Variants in SSH2 observed in about 807,000 individuals in gnomAD.
SSH2 encodes slingshot protein phosphatase 2, also known as protein phosphatase Slingshot homolog 2.
A neutral mutation model predicts 135.2 loss-of-function variants in SSH2; 37 were observed. The observed-to-expected ratio is 0.27, with a 90% CI of 0.21 to 0.36. SSH2 has a LOEUF of 0.36. Among genes scored for constraint, SSH2 ranks in the 10% least tolerant of loss-of-function variants. The pLI is 1.00. For missense variants in SSH2, 1,408 were observed against 1,765.3 expected (o/e 0.80, Z 3.63); for synonymous variants, 628 against 646.2 (o/e 0.97, Z 0.43).
At chr17:29,736,400 A>T (rs1283329833) in intron 3 of SSH2, among the ~76,000 whole-genome samples, 1 of 152,188 alleles carries the variant, frequency 6.6e-6, no homozygotes, top group Non-Finnish European at 1.5e-5. Context: ...GCATCCAAGG[A>T]AATGATTAGA....
chr17:29,772,765 A>C (rs985579966), intron 3 of SSH2, among the ~76,000 whole-genome samples: 1 of 152,242 alleles, frequency 6.6e-6, no homozygotes, highest in African/African-American at 2.4e-5. Context: ...GCCTTTGGAC[A>C]TCAGAACTCC....
chr17:29,791,917 CTTTTT>C (rs36064413), intron 3 of SSH2, among the ~76,000 whole-genome samples: 1 of 128,330 alleles, frequency 7.8e-6, no homozygotes, highest in Admixed American at 8.0e-5. Flanking sequence ...TCTTCTTCCT[CTTTTT>C]TTTTTTTTTT....
At chr17:29,762,195 T>A (rs1007816847) in intron 3 of SSH2, among the ~76,000 whole-genome samples, 20 of 148,988 alleles carry the variant, frequency 1.3e-4, no homozygotes, top group Non-Finnish European at 1.8e-4. Context: ...TTTTTTTTTT[T>A]AAACAGTTGA....
chr17:29,903,699 G>C (rs1199118942), intron 1 of SSH2, among the ~76,000 whole-genome samples: 1 of 151,884 alleles, frequency 6.6e-6, no homozygotes, highest in Non-Finnish European at 1.5e-5. Flanking sequence ...TTTCCCCTAG[G>C]GGCTGAAGTA....
intron 1 of SSH2, among the ~76,000 whole-genome samples, chr17:29,878,483 G>T (rs982972398): frequency 6.6e-6 from 1 of 152,088 alleles, no homozygotes; most frequent in Admixed American, 6.5e-5. Context: ...ATTCATCAAT[G>T]CATACTTATT....
intron 1 of SSH2, among the ~76,000 whole-genome samples, chr17:29,907,123 A>G (rs1361436257): frequency 6.6e-6 from 1 of 152,230 alleles, no homozygotes; most frequent in East Asian, 1.9e-4. Context: ...AATGCCCATC[A>G]TTGATAGACT....
chr17:29,784,065 C>CAGAAAAAA (rs2041903062), intron 3 of SSH2, among the ~76,000 whole-genome samples: 1 of 8,234 alleles, frequency 1.2e-4, no homozygotes, highest in South Asian at 4.4e-3. Flanking sequence ...GACTCCGTCT[C>CAGAAAAAA]AAAAAAAAAA....
intron 4 of SSH2, among the ~76,000 whole-genome samples, chr17:29,700,040 C>G (rs1239991327): frequency 1.3e-5 from 2 of 152,140 alleles, no homozygotes; most frequent in South Asian, 2.1e-4. Context: ...GGTGAAGGCC[C>G]AAACAAGTAG....
At chr17:29,770,489 T>TTC (rs1567963456) in intron 3 of SSH2, among the ~76,000 whole-genome samples, 1 of 151,706 alleles carries the variant, frequency 6.6e-6, no homozygotes, top group Middle Eastern at 3.2e-3. Context: ...TTTTTTTTTT[T>TTC]CAAAATGGAG....
chr17:29,686,573 T>G (rs2038233153), intron 5 of SSH2, among the ~76,000 whole-genome samples: 1 of 151,878 alleles, frequency 6.6e-6, no homozygotes, highest in South Asian at 2.1e-4. Context: ...TTTCACCATG[T>G]TGCCCAGGCT....
At chr17:29,731,414 A>ATTTTTTAT (rs758271810) in intron 3 of SSH2, among the ~76,000 whole-genome samples, 2 of 115,264 alleles carry the variant, frequency 1.7e-5, no homozygotes, top group African/African-American at 6.6e-5. Flanking sequence ...TAGCAGAAGT[A>ATTTTTTAT]TTTTTTATTT....
At chr17:29,888,458 T>C (rs2066281736) in intron 1 of SSH2, among the ~76,000 whole-genome samples, 1 of 152,162 alleles carries the variant, frequency 6.6e-6, no homozygotes, top group Non-Finnish European at 1.5e-5. Flanking sequence ...AGTTGGAGTT[T>C]TATGTATGAG....
At chr17:29,651,854 C>T (rs1186414444) in intron 12 of SSH2, among the ~76,000 whole-genome samples, 1 of 151,946 alleles carries the variant, frequency 6.6e-6, no homozygotes, top group Non-Finnish European at 1.5e-5. Context: ...ATTTAAAAAG[C>T]GAGCTTGGCC....
intron 14 of SSH2, among the ~76,000 whole-genome samples, chr17:29,638,304 A>G (rs1045864041): frequency 6.6e-6 from 1 of 151,044 alleles, no homozygotes; most frequent in Non-Finnish European, 1.5e-5. Flanking sequence ...ACTAAAAGGA[A>G]AAAAAAAACC....
At chr17:29,689,462 G>C (rs1399315814) in intron 5 of SSH2, among the ~76,000 whole-genome samples, 1 of 152,152 alleles carries the variant, frequency 6.6e-6, no homozygotes, top group Admixed American at 6.5e-5. Flanking sequence ...AGATGCATTT[G>C]ATTTATCAAC....
chr17:29,911,908 A>G (rs2066772542), intron 1 of SSH2, among the ~76,000 whole-genome samples: 1 of 152,222 alleles, frequency 6.6e-6, no homozygotes, highest in Non-Finnish European at 1.5e-5. Flanking sequence ...TTAAATCTGT[A>G]TTAGTTGTTA....
intron 2 of SSH2, among the ~76,000 whole-genome samples, chr17:29,804,782 C>A (rs1025705407): frequency 6.6e-6 from 1 of 151,164 alleles, no homozygotes; most frequent in Non-Finnish European, 1.5e-5. Flanking sequence ...AGTGTTCTCT[C>A]GCCTCAGCCT....
chr17:29,632,519 G>A lies in SSH2; in HGVS notation c.2675C>T (p.Ser892Phe). 1 of 1,614,142 alleles carries A rather than the reference G, an allele frequency of 6.2e-7. No homozygotes were observed. The highest frequency in any genetic ancestry group is 8.5e-7 in the Non-Finnish European group (1 of 1,180,024). Residue 892 changes from serine (S) to phenylalanine (F), a missense_variant, in exon 16 of 16, where the codon TCT becomes TTT. By Grantham distance (155) the Ser-to-Phe change is radical. This residue lies in a region of SSH2 where 1,080 missense variants were observed against 1,144.5 expected (regional missense o/e 0.94). Coordinates refer to ENST00000540801, the MANE Select transcript of SSH2 (RefSeq NM_001282129.2). Reference protein sequence around the residue: ...MHPGAKWYPGSVRRATLEFEE... With the variant: ...MHPGAKWYPGFVRRATLEFEE... ...GAACTCCAAGGTGGCTCGCCTCACA[G>A]ACCCAGGGTACCACTTGGCACCTGG... is the stretch of plus-strand genomic sequence containing the variant.
At chr17:29,654,311 A>C (rs1156526283) in intron 12 of SSH2, among the ~76,000 whole-genome samples, 1 of 152,170 alleles carries the variant, frequency 6.6e-6, no homozygotes, top group Non-Finnish European at 1.5e-5. Context: ...TCCAAGTTTT[A>C]TTTAACTTCA....
Sources: allele counts gnomAD v4.1 joint callset (sites outside exome capture counted in the v4.1 genomes callset), GRCh38; gene constraint gnomAD v4.1.1; regional missense constraint gnomAD v4.1.1; transcripts MANE v1.5; gene names NCBI Gene and HGNC (gene_info 2026-07-23, HGNC 2026-07-21).